PTPRD: variants seen among roughly 807,000 people sequenced by gnomAD.
PTPRD encodes receptor-type tyrosine-protein phosphatase delta.
PTPRD carries 34 observed loss-of-function variants against 214.5 expected under a neutral mutation model. That is an observed-to-expected ratio of 0.16 (90% CI 0.12 to 0.21). The LOEUF is 0.21. Ranked by LOEUF, PTPRD falls within the 10% of genes least tolerant of loss-of-function variation. The pLI, the probability that PTPRD is intolerant of heterozygous loss-of-function variation, is 1.00. For missense variants in PTPRD, 2,545 were observed against 2,398.7 expected (o/e 1.06, Z -1.27); for synonymous variants, 1,128 against 845.7 (o/e 1.33, Z -5.79).
At chr9:9,256,708 C>T (rs1380081625) in intron 9 of PTPRD, among the ~76,000 whole-genome samples, 1 of 151,928 alleles carries the variant, frequency 6.6e-6, no homozygotes, top group Non-Finnish European at 1.5e-5. Context: ...AGTGCCCTGA[C>T]TAATTACAAG....
chr9:9,649,721 T>G (rs2096285351), intron 7 of PTPRD, among the ~76,000 whole-genome samples: 1 of 152,220 alleles, frequency 6.6e-6, no homozygotes, highest in African/African-American at 2.4e-5. Context: ...TGTATTTCAT[T>G]TAACATGTTA....
intron 8 of PTPRD, among the ~76,000 whole-genome samples, chr9:9,568,737 C>T (rs547585071): frequency 6.6e-6 from 1 of 151,872 alleles, no homozygotes; most frequent in Non-Finnish European, 1.5e-5. Context: ...TCTTAATTTT[C>T]CACTGATGGG....
intron 8 of PTPRD, among the ~76,000 whole-genome samples, chr9:9,524,011 G>A (rs1410419559): frequency 6.6e-6 from 1 of 152,140 alleles, no homozygotes; most frequent in African/African-American, 2.4e-5. Context: ...TTCATGGATG[G>A]ACAAATTCGC....
intron 3 of PTPRD, among the ~76,000 whole-genome samples, chr9:10,111,238 T>C (rs577134234): frequency 2.6e-4 from 33 of 128,520 alleles, no homozygotes; most frequent in African/African-American, 9.9e-4. Flanking sequence ...TCTTTTTTTT[T>C]TTTTTTTTTT....
chr9:9,677,908 G>A (rs1230697434), intron 7 of PTPRD, among the ~76,000 whole-genome samples: 16 of 151,858 alleles, frequency 1.1e-4, no homozygotes, highest in East Asian at 3.9e-4. Flanking sequence ...AATCACAAGC[G>A]TTCTTACACA....
At chr9:9,809,487 A>G (rs2046466070) in intron 5 of PTPRD, among the ~76,000 whole-genome samples, 1 of 151,910 alleles carries the variant, frequency 6.6e-6, no homozygotes, top group African/African-American at 2.4e-5. Flanking sequence ...GATGGTCTCT[A>G]TCTCCTGACC....
At chr9:8,418,365 A>G (rs1343144624) in intron 35 of PTPRD, among the ~76,000 whole-genome samples, 2 of 152,008 alleles carry the variant, frequency 1.3e-5, no homozygotes, top group East Asian at 1.9e-4. Flanking sequence ...TGGAGCATCC[A>G]TTTGGCAACT....
At chr9:9,033,590 A>G (rs1485536174) in intron 10 of PTPRD, among the ~76,000 whole-genome samples, 2 of 152,150 alleles carry the variant, frequency 1.3e-5, no homozygotes, top group Non-Finnish European at 2.9e-5. Flanking sequence ...CTAGAGATAG[A>G]TACTTCGAAA....
chr9:9,739,467 A>G (rs1300169471), intron 6 of PTPRD, among the ~76,000 whole-genome samples: 1 of 152,032 alleles, frequency 6.6e-6, no homozygotes, highest in Non-Finnish European at 1.5e-5. Context: ...TAGAAATTTT[A>G]TTCAAAATTC....
intron 3 of PTPRD, among the ~76,000 whole-genome samples, chr9:10,143,831 C>T (rs1353300698): frequency 6.6e-6 from 1 of 152,018 alleles, no homozygotes; most frequent in Admixed American, 6.6e-5. Flanking sequence ...CATTTTCTCA[C>T]TTGTAGGTGG....
intron 8 of PTPRD, among the ~76,000 whole-genome samples, chr9:9,535,878 A>G (rs1308255053): frequency 1.3e-5 from 2 of 152,050 alleles, no homozygotes; most frequent in African/African-American, 4.8e-5. Context: ...GGTTAGGAGA[A>G]ATGGTAATGC....
chr9:9,601,572 G>A (rs1003807312), intron 7 of PTPRD, among the ~76,000 whole-genome samples: 1 of 152,062 alleles, frequency 6.6e-6, no homozygotes, highest in Non-Finnish European at 1.5e-5. Flanking sequence ...ATTTAGATCA[G>A]CAATTCAATG....
intron 2 of PTPRD, among the ~76,000 whole-genome samples, chr9:10,348,719 G>A (rs988535121): frequency 1.3e-5 from 2 of 151,930 alleles, no homozygotes; most frequent in Non-Finnish European, 2.9e-5. Flanking sequence ...ACGCTATTAC[G>A]GAACTTCGAT....
rs114711530 is a variant in PTPRD at position 9,239,085 on chromosome 9, C to T, written c.-202-55722G>A. ...TAGAAGAACTTGCAATCTCCCTGTG[C>T]CCATGAGATGTAAATCTATTACCCT... On this transcript the variant is annotated intron_variant, in intron 9 of 45. Coordinates refer to ENST00000381196, the MANE Select transcript of PTPRD (RefSeq NM_002839.4). Among the ~76,000 whole-genome samples the T allele has an allele frequency of 6.9e-3, 1,054 of 152,054 alleles. 12 individuals are homozygous for T. The highest frequency in any genetic ancestry group is 0.023 in the African/African-American group (974 of 41,484).
At chr9:9,874,429 G>A (rs1036643521) in intron 5 of PTPRD, among the ~76,000 whole-genome samples, 1 of 151,912 alleles carries the variant, frequency 6.6e-6, no homozygotes, top group Non-Finnish European at 1.5e-5. Flanking sequence ...CAGAAAGAAA[G>A]GAACAGTCAC....
intron 3 of PTPRD, among the ~76,000 whole-genome samples, chr9:10,153,069 G>C (rs1040950658): frequency 6.6e-6 from 1 of 152,088 alleles, no homozygotes; most frequent in Admixed American, 6.6e-5. Context: ...TTAGACAGAA[G>C]AAATAAGTTC....
chr9:9,886,535 G>A (rs1359369155), intron 5 of PTPRD, among the ~76,000 whole-genome samples: 1 of 152,070 alleles, frequency 6.6e-6, no homozygotes, highest in Non-Finnish European at 1.5e-5. Context: ...GTTCCACAGT[G>A]TATTTTCCAA....
intron 21 of PTPRD, among the ~76,000 whole-genome samples, chr9:8,511,230 G>A (rs190137592): frequency 7.9e-5 from 12 of 151,932 alleles, no homozygotes; most frequent in South Asian, 2.1e-4. Flanking sequence ...CATAACACCC[G>A]GCTAATTTTT....
At chr9:8,811,690 T>C (rs183192146) in intron 11 of PTPRD, among the ~76,000 whole-genome samples, 2 of 152,282 alleles carry the variant, frequency 1.3e-5, no homozygotes, top group African/African-American at 2.4e-5. Flanking sequence ...TCTCAACATA[T>C]GTGCTTTTTC....
Sources: allele counts gnomAD v4.1 joint callset (sites outside exome capture counted in the v4.1 genomes callset), GRCh38; gene constraint gnomAD v4.1.1; transcripts MANE v1.5; gene names NCBI Gene and HGNC (gene_info 2026-07-23, HGNC 2026-07-21).